Variants in TRPM3 observed in about 807,000 individuals in gnomAD.
TRPM3 encodes the protein long transient receptor potential channel 3.
A neutral mutation model predicts 181.2 loss-of-function variants in TRPM3; 77 were observed. That is an observed-to-expected ratio of 0.42 (90% CI 0.35 to 0.51). The LOEUF (loss-of-function observed/expected upper bound fraction) is 0.51, where lower values mean the gene tolerates loss of function less well. TRPM3 is among the 20% of genes least tolerant of loss of function. The pLI, the probability that TRPM3 is intolerant of heterozygous loss-of-function variation, is 0.01. For synonymous variants in TRPM3, 745 were observed against 796.4 expected, an observed-to-expected ratio of 0.94 and a Z score of 1.09; for missense variants, 1,759 against 2,196.7, an observed-to-expected ratio of 0.80 and a Z score of 3.98.
intron 1 of TRPM3, among the ~76,000 whole-genome samples, chr9:71,162,216 A>AAG (rs1554837324): frequency 2.0e-5 from 3 of 150,260 alleles, no homozygotes; most frequent in East Asian, 1.9e-4. Context: ...AAAAAAAAAA[A>AAG]AAAAGAAGAA....
At chr9:71,115,831 C>A (rs2072236304) in intron 1 of TRPM3, among the ~76,000 whole-genome samples, 1 of 152,128 alleles carries the variant, frequency 6.6e-6, no homozygotes, top group Non-Finnish European at 1.5e-5. Flanking sequence ...TTTCTTGTTG[C>A]CTCAGGAATT....
intron 1 of TRPM3, among the ~76,000 whole-genome samples, chr9:71,073,093 G>A (rs924436143): frequency 6.6e-5 from 10 of 152,094 alleles, no homozygotes; most frequent in Admixed American, 4.6e-4. Flanking sequence ...GTCTCATAAC[G>A]ACAGTCTCAA....
intron 1 of TRPM3, among the ~76,000 whole-genome samples, chr9:71,277,686 C>T (rs377558643): frequency 6.6e-5 from 10 of 152,098 alleles, no homozygotes; most frequent in African/African-American, 1.4e-4. Context: ...AAAATGTCTG[C>T]GGTCCAATAT....
At chr9:70,571,886 C>T (rs1350969282) in intron 22 of TRPM3, among the ~76,000 whole-genome samples, 3 of 152,116 alleles carry the variant, frequency 2.0e-5, no homozygotes, top group African/African-American at 7.2e-5. Context: ...CAGAAAGAGG[C>T]TTCTGCTTTT....
chr9:70,577,592 A>T (rs928443794), intron 22 of TRPM3, among the ~76,000 whole-genome samples: 2 of 152,244 alleles, frequency 1.3e-5, no homozygotes, highest in African/African-American at 4.8e-5. Flanking sequence ...TAGCTTTTGT[A>T]ACACACTTGG....
At chr9:71,241,397 CA>C (rs1318726028) in intron 1 of TRPM3, among the ~76,000 whole-genome samples, 6 of 147,946 alleles carry the variant, frequency 4.1e-5, no homozygotes, top group Non-Finnish European at 8.9e-5. Context: ...ATCGCAAGGA[CA>C]AAAAACCAAA....
chr9:71,389,155 CAA>C (rs1210516212), intron 1 of TRPM3, among the ~76,000 whole-genome samples: 1 of 151,836 alleles, frequency 6.6e-6, no homozygotes, highest in Non-Finnish European at 1.5e-5. Flanking sequence ...ACAATCCCAT[CAA>C]AAAGTGAGCT....
At chr9:71,191,638 C>G (rs1283724285) in intron 1 of TRPM3, among the ~76,000 whole-genome samples, 1 of 151,700 alleles carries the variant, frequency 6.6e-6, no homozygotes. Flanking sequence ...CCTATACTCC[C>G]CTGCAAGCCT....
chr9:70,947,641 G>A (rs1221367177), intron 1 of TRPM3, among the ~76,000 whole-genome samples: 1 of 152,144 alleles, frequency 6.6e-6, no homozygotes, highest in Non-Finnish European at 1.5e-5. Context: ...AGAGCTCAGA[G>A]AAGGTGGGGG....
intron 1 of TRPM3, among the ~76,000 whole-genome samples, chr9:71,137,753 T>C (rs1310427188): frequency 6.6e-6 from 1 of 152,214 alleles, no homozygotes; most frequent in African/African-American, 2.4e-5. Context: ...GGATACATTT[T>C]AAGTATTTTT....
chr9:71,104,222 G>A (rs944705146), intron 1 of TRPM3, among the ~76,000 whole-genome samples: 1 of 152,060 alleles, frequency 6.6e-6, no homozygotes, highest in Non-Finnish European at 1.5e-5. Context: ...ACCCCATTTA[G>A]CAACTCTTTA....
At chr9:71,271,767 C>CA (rs1339529760) in intron 1 of TRPM3, among the ~76,000 whole-genome samples, 2 of 152,078 alleles carry the variant, frequency 1.3e-5, no homozygotes, top group Non-Finnish European at 2.9e-5. Flanking sequence ...GCCCTGGACA[C>CA]AAAGTTCCAA....
intron 1 of TRPM3, among the ~76,000 whole-genome samples, chr9:70,914,129 T>C (rs991764764): frequency 6.6e-6 from 1 of 152,184 alleles, no homozygotes; most frequent in Non-Finnish European, 1.5e-5. Flanking sequence ...GGAGGTAATA[T>C]TTAGGTCATG....
intron 3 of TRPM3, among the ~76,000 whole-genome samples, chr9:70,853,987 A>C (rs1181509262): frequency 6.6e-6 from 1 of 152,222 alleles, no homozygotes; most frequent in Non-Finnish European, 1.5e-5. Flanking sequence ...CATAAAGATC[A>C]GTTCCTTTTG....
chr9:70,999,816 A>G (rs2097580104), intron 1 of TRPM3, among the ~76,000 whole-genome samples: 1 of 152,198 alleles, frequency 6.6e-6, no homozygotes, highest in African/African-American at 2.4e-5. Flanking sequence ...GCCATCTAAA[A>G]TATCCACACA....
chr9:71,246,049 C>G (rs1273161701), intron 1 of TRPM3, among the ~76,000 whole-genome samples: 1 of 152,120 alleles, frequency 6.6e-6, no homozygotes, highest in Non-Finnish European at 1.5e-5. Flanking sequence ...ACATGTTTTA[C>G]AACTTTTAAA....
At chr9:71,119,990 A>G (rs1426654477) in intron 1 of TRPM3, among the ~76,000 whole-genome samples, 1 of 152,170 alleles carries the variant, frequency 6.6e-6, no homozygotes, top group East Asian at 1.9e-4. Context: ...TTGAAAGTTA[A>G]TACCAGTTGG....
At chr9:70,838,453 C>T (rs766580432) in intron 5 of TRPM3, among the ~76,000 whole-genome samples, 1 of 152,114 alleles carries the variant, frequency 6.6e-6, no homozygotes, top group Non-Finnish European at 1.5e-5. Context: ...TGTCCAGCCT[C>T]CTGAATTGTG....
chr9:71,371,739 T>A lies in TRPM3; in HGVS notation c.183+74914A>T, dbSNP rs79765278. Among the ~76,000 whole-genome samples, 9 of 152,336 alleles carry A rather than the reference T, an allele frequency of 5.9e-5. No individual in the cohort carries two copies. In the East Asian group the frequency reaches 1.2e-3, roughly 20 times the overall value. Reference sequence around the variant, plus strand: ...GATTGACTGATTTTGAAAGTTCTACTGTGGGTAGAATGCTATCTAACAGCA... The same window carrying A: ...GATTGACTGATTTTGAAAGTTCTACAGTGGGTAGAATGCTATCTAACAGCA... On this transcript the variant is annotated intron_variant, in intron 1 of 24. Transcript: ENST00000357533.
Sources: gnomAD v4.1 joint callset for allele counts (sites outside exome capture counted in the v4.1 genomes callset) on GRCh38, gnomAD v4.1.1 for gene constraint, MANE v1.5 for transcripts, NCBI Gene and HGNC (gene_info 2026-07-23, HGNC 2026-07-21) for gene names.